Variants in DOCK3 observed in about 807,000 individuals in gnomAD.
The protein encoded by DOCK3 is dedicator of cytokinesis 3.
In DOCK3, 60 loss-of-function variants were observed where a neutral mutation model predicts 265.6. The ratio of observed to expected loss-of-function variants is 0.23; its 90% confidence interval spans 0.18 to 0.28. DOCK3 has a LOEUF of 0.28. Ranked by LOEUF, DOCK3 falls within the 10% of genes least tolerant of loss-of-function variation. DOCK3 has a pLI of 1.00. For synonymous variants in DOCK3, 881 were observed against 938.0 expected (o/e 0.94, Z 1.11); for missense variants, 1,981 against 2,594.3 (o/e 0.76, Z 5.14).
chr3:50,784,659 ATTTG>A (rs1211840569), intron 2 of DOCK3, among the ~76,000 whole-genome samples: 3 of 152,118 alleles, frequency 2.0e-5, no homozygotes, highest in Non-Finnish European at 4.4e-5. Flanking sequence ...ATGTGTTTCC[ATTTG>A]TTTGTGTCAT....
chr3:50,847,882 C>CGAAAA (rs750548673), intron 3 of DOCK3, among the ~76,000 whole-genome samples: 1 of 97,612 alleles, frequency 1.0e-5, no homozygotes, highest in Non-Finnish European at 1.8e-5. Context: ...GGCTCCATTT[C>CGAAAA]AAAAAAAAAA....
intron 3 of DOCK3, among the ~76,000 whole-genome samples, chr3:50,848,479 G>C (rs554789283): frequency 1.3e-5 from 2 of 152,118 alleles, no homozygotes; most frequent in African/African-American, 4.8e-5. Context: ...TGTAAGCCTG[G>C]ACTAGTGGTA....
At chr3:51,243,525 G>C (rs1480365) in intron 21 of DOCK3, among the ~76,000 whole-genome samples, 138,814 of 152,186 alleles carry the variant, frequency 0.91, 63,448 homozygotes, top group African/African-American at 0.96. Flanking sequence ...TGAGAAATGT[G>C]TATTCAAGTC....
intron 25 of DOCK3, among the ~76,000 whole-genome samples, chr3:51,277,294 A>G (rs2080866928): frequency 1.3e-5 from 2 of 152,240 alleles, no homozygotes; most frequent in South Asian, 4.1e-4. Context: ...AAATCAAAGA[A>G]AACATTTAAC....
At chr3:50,754,638 CA>C (rs1469756849) in intron 1 of DOCK3, among the ~76,000 whole-genome samples, 1 of 150,118 alleles carries the variant, frequency 6.7e-6, no homozygotes, top group Non-Finnish European at 1.5e-5. Flanking sequence ...TGGCTCACTG[CA>C]ACCTCTGCCT....
At chr3:50,885,236 A>G (rs759334542) in intron 3 of DOCK3, among the ~76,000 whole-genome samples, 3 of 151,704 alleles carry the variant, frequency 2.0e-5, no homozygotes, top group Non-Finnish European at 4.4e-5. Context: ...ATTTCTTTTT[A>G]TTGCTGAATC....
At chr3:51,080,007 ACATT>A (rs1173855854) in intron 7 of DOCK3, among the ~76,000 whole-genome samples, 1 of 152,236 alleles carries the variant, frequency 6.6e-6, no homozygotes, top group Non-Finnish European at 1.5e-5. Context: ...CAATGTTTAT[ACATT>A]CATTTCTGGT....
chr3:50,690,085 T>C (rs926816186), intron 1 of DOCK3, among the ~76,000 whole-genome samples: 1 of 152,150 alleles, frequency 6.6e-6, no homozygotes, highest in Admixed American at 6.5e-5. Flanking sequence ...TGTTTATAAT[T>C]TATTTTTATT....
intron 5 of DOCK3, among the ~76,000 whole-genome samples, chr3:50,992,277 T>C (rs1225953112): frequency 6.6e-6 from 1 of 152,158 alleles, no homozygotes; most frequent in Non-Finnish European, 1.5e-5. Flanking sequence ...TGAAAAACAA[T>C]TCAAAAGATC....
At chr3:51,025,064 T>A (rs768352565) in intron 5 of DOCK3, among the ~76,000 whole-genome samples, 11 of 152,162 alleles carry the variant, frequency 7.2e-5, no homozygotes, top group African/African-American at 2.7e-4. Flanking sequence ...ACAGTGGGAT[T>A]TGAGCTTGCC....
At chr3:50,889,578 T>C (rs11928389) in intron 3 of DOCK3, among the ~76,000 whole-genome samples, 112,602 of 151,646 alleles carry the variant, frequency 0.74, 42,637 homozygotes, top group African/African-American at 0.89. Context: ...TAGAAGTTCT[T>C]GAATTGATTC....
chr3:51,041,175 TATATATATATATATATATATATATATATA>T (rs2080475913), intron 5 of DOCK3, among the ~76,000 whole-genome samples: 40 of 11,120 alleles, frequency 3.6e-3, no homozygotes, highest in African/African-American at 9.0e-3. Context: ...TATATATATA[TATATATATATATATATATATATATATATA>T]TTTTTTTTTT....
At chr3:50,772,095 G>A (rs1033984169) in intron 1 of DOCK3, among the ~76,000 whole-genome samples, 4 of 152,142 alleles carry the variant, frequency 2.6e-5, no homozygotes, top group Non-Finnish European at 5.9e-5. Context: ...CATACACAAC[G>A]GAGTACTATT....
intron 5 of DOCK3, among the ~76,000 whole-genome samples, chr3:51,017,569 G>T (rs143660974): frequency 0.018 from 2,706 of 151,692 alleles, 102 homozygotes; most frequent in African/African-American, 0.045. Context: ...TCTGTTGTTT[G>T]TTTCAAGAAA....
At chr3:51,273,296 T>A (rs565907919) in intron 24 of DOCK3, among the ~76,000 whole-genome samples, 1 of 152,220 alleles carries the variant, frequency 6.6e-6, no homozygotes, top group South Asian at 2.1e-4. Context: ...TCAGAAAAAT[T>A]TTCTTAATAT....
chr3:51,273,030 T>G (rs1297138835), intron 24 of DOCK3, among the ~76,000 whole-genome samples: 10 of 151,564 alleles, frequency 6.6e-5, no homozygotes, highest in Admixed American at 6.6e-4. Context: ...GGCATGGTGG[T>G]GGGCGCCTGT....
intron 1 of DOCK3, among the ~76,000 whole-genome samples, chr3:50,704,830 T>C (rs756853540): frequency 3.9e-4 from 60 of 152,106 alleles, no homozygotes; most frequent in Non-Finnish European, 7.5e-4. Context: ...GGTTTTGTCA[T>C]GTTGGCCAGG....
intron 7 of DOCK3, among the ~76,000 whole-genome samples, chr3:51,083,068 C>CAT (rs1405389486): frequency 6.6e-6 from 1 of 152,078 alleles, no homozygotes; most frequent in East Asian, 1.9e-4. Flanking sequence ...TGGGGTCCCA[C>CAT]ATATACCACC....
intron 39 of DOCK3, among the ~76,000 whole-genome samples, chr3:51,349,424 G>A (rs1355733730): frequency 1.3e-5 from 2 of 152,158 alleles, no homozygotes; most frequent in Non-Finnish European, 2.9e-5. Context: ...GCTGGTGCTC[G>A]GTTCTGAATC....
Sources: gnomAD v4.1 joint callset for allele counts (sites outside exome capture counted in the v4.1 genomes callset) on GRCh38, gnomAD v4.1.1 for gene constraint, MANE v1.5 for transcripts, NCBI Gene and HGNC (gene_info 2026-07-23, HGNC 2026-07-21) for gene names.